AKAP9: variants seen among roughly 807,000 people sequenced by gnomAD.
The protein encoded by AKAP9 is A-kinase anchoring protein 9.
Under a neutral mutation model 488.5 loss-of-function variants are expected in AKAP9, and 311 were observed. The observed-to-expected ratio is 0.64, with a 90% CI of 0.58 to 0.70. The LOEUF (loss-of-function observed/expected upper bound fraction) is 0.70. Ranked by LOEUF, AKAP9 falls within the 30% of genes least tolerant of loss-of-function variation. The pLI is 0.00. For missense variants in AKAP9, 4,215 were observed against 4,374.5 expected (o/e 0.96, Z 1.03); for synonymous variants, 1,462 against 1,483.5 (o/e 0.99, Z 0.33).
Position 91,975,269 on chromosome 7 carries a change from C to T in AKAP9, c.306+1301C>T, listed in dbSNP as rs576475766. The stretch of plus-strand genomic sequence containing the variant: ...TCCTCCCGCTCTGGCTCCCAAAGTG[C>T]TTATGCCTGTAAAGTTTTATTTACA... On this transcript the variant is annotated intron_variant, in intron 2 of 49. Transcript: ENST00000356239. Among the ~76,000 whole-genome samples the T allele has an allele frequency of 3.9e-5, 6 of 152,270 alleles. No homozygotes were observed. The South Asian group carries it at 1.0e-3, about 26-fold the overall frequency.
At chr7:92,045,320 C>T in intron 21 of AKAP9, 107 bp downstream of exon 21, 2 of 1,072,238 alleles carry the variant, frequency 1.9e-6, no homozygotes, top group South Asian at 2.6e-5. Context: ...TATTTTCCAG[C>T]AAATGGACCT....
At chr7:92,039,982 T>C (rs780189823) in intron 17 of AKAP9, among the ~76,000 whole-genome samples, 1 of 151,962 alleles carries the variant, frequency 6.6e-6, no homozygotes, top group Non-Finnish European at 1.5e-5. Flanking sequence ...CAAAAATAAA[T>C]AAAATAAAAT....
rs1443301693 is a variant in AKAP9 at position 92,038,566 on chromosome 7, G to T, written c.4486G>T (p.Asp1496Tyr). Residue 1496 changes from aspartate to tyrosine, a missense_variant, in exon 17 of 50, where the codon GAT becomes TAT. Around this residue, in one of 5 missense-constraint regions of AKAP9, gnomAD observed 2,361 missense variants for 2,430.0 expected, o/e 0.97. Coordinates refer to ENST00000356239, the MANE Select transcript of AKAP9 (RefSeq NM_005751.5). ...TTTTAATGAAATGAAATTATCACAG[G>T]ATCAAATTGGTTTTCAGACTTTTGA... ...HYFNEMKLSQDQIGFQTFETV... is the reference protein window; with the variant it reads ...HYFNEMKLSQYQIGFQTFETV... The T allele has an allele frequency of 6.8e-6, 11 of 1,613,730 alleles. No individual in the cohort carries two copies. Among genetic ancestry groups the T allele is most frequent in the African/African-American group, 1.3e-5 (1 of 74,892 alleles).
At position 92,001,125 on chromosome 7, in the gene AKAP9, A is replaced by G; in HGVS notation, c.1208A>G (p.Glu403Gly). The G allele has an allele frequency of 6.2e-7, 1 of 1,614,060 alleles. No individual in the cohort carries two copies. Among genetic ancestry groups the G allele is most frequent in the Admixed American group, 1.7e-5 (1 of 59,996 alleles). Residue 403 changes from glutamate to glycine, a missense_variant, in exon 8 of 50, where the codon GAA becomes GGA. By Grantham distance (98) the Glu-to-Gly change is moderately conservative. Around this residue, in one of 5 missense-constraint regions of AKAP9, gnomAD observed 2,361 missense variants for 2,430.0 expected, o/e 0.97. Coordinates refer to ENST00000356239, the MANE Select transcript of AKAP9 (RefSeq NM_005751.5). Reference sequence around the variant, plus strand: ...AAACAGTTAATGGGGACAGTCGAAGAACTTCAGAAGAGAAATCATAAAGAC... The same window carrying G: ...AAACAGTTAATGGGGACAGTCGAAGGACTTCAGAAGAGAAATCATAAAGAC... ...EIKQLMGTVEELQKRNHKDSQ... is the reference protein window; with the variant it reads ...EIKQLMGTVEGLQKRNHKDSQ...
chr7:91,985,262 G>T (rs997880244), intron 3 of AKAP9, among the ~76,000 whole-genome samples: 1 of 152,142 alleles, frequency 6.6e-6, no homozygotes, highest in Non-Finnish European at 1.5e-5. Context: ...GTCATAAATA[G>T]CTCTTATTAT....
chr7:91,970,774 A>G (rs1450252809), intron 1 of AKAP9, among the ~76,000 whole-genome samples: 1 of 152,104 alleles, frequency 6.6e-6, no homozygotes, highest in East Asian at 1.9e-4. Flanking sequence ...CACTTTTAGG[A>G]TCCTCTCTTT....
At chr7:92,041,828 GCA>G in intron 18 of AKAP9, 1 of 434,038 alleles carries the variant, frequency 2.3e-6, no homozygotes, top group Non-Finnish European at 4.1e-6. Flanking sequence ...TAATTGAACT[GCA>G]CAAATTCCTG....
At chr7:91,977,350 A>T (rs1795830819) in intron 2 of AKAP9, among the ~76,000 whole-genome samples, 1 of 152,052 alleles carries the variant, frequency 6.6e-6, no homozygotes. Context: ...AGGTCAGGAG[A>T]TCGAGACCAT....
intron 26 of AKAP9, 39 bp from the exon 27 acceptor site, chr7:92,069,991 A>AT (rs765847391): frequency 4.4e-6 from 7 of 1,588,434 alleles, no homozygotes; most frequent in South Asian, 3.4e-5. Context: ...GCTTGCTGAA[A>AT]TTTTTTTTAA....
intron 1 of AKAP9, among the ~76,000 whole-genome samples, chr7:91,946,844 T>A (rs1377784509): frequency 2.0e-5 from 3 of 152,230 alleles, no homozygotes; most frequent in South Asian, 2.1e-4. Flanking sequence ...GGAACAAAAA[T>A]TTTTTCAAAC....
Position 91,995,720 on chromosome 7 carries a change from T to C in AKAP9, c.850T>C (p.Leu284=), listed in dbSNP as rs766812125. The C allele has an allele frequency of 1.2e-6, 2 of 1,613,812 alleles. No homozygotes were observed. Among genetic ancestry groups the C allele is most frequent in the Admixed American group, 3.3e-5 (2 of 60,004 alleles). The part of the protein sequence containing the change: ...QQQLEEQDHL[L]EDYQKKKEDF... ...GCAGCTTGAAGAACAAGACCACTTATTAGAAGATTATCAGAAAAAGAAAGA... is the reference window on the plus strand; with the variant it reads ...GCAGCTTGAAGAACAAGACCACTTACTAGAAGATTATCAGAAAAAGAAAGA... Residue 284 remains leucine (L), a synonymous_variant, in exon 7 of 50, where the codon TTA becomes CTA. Coordinates refer to ENST00000356239, the MANE Select transcript of AKAP9 (RefSeq NM_005751.5).
intron 15 of AKAP9, among the ~76,000 whole-genome samples, chr7:92,030,545 G>A (rs1236614351): frequency 2.0e-5 from 3 of 151,964 alleles, no homozygotes; most frequent in Non-Finnish European, 4.4e-5. Context: ...AGGAGGCTGA[G>A]GCAGGAGAGT....
chr7:92,084,884 G>A lies in AKAP9; in HGVS notation c.8776G>A (p.Glu2926Lys). The change falls in exon 35 of 50, where the codon GAA becomes AAA. Residue 2926 changes from glutamate to lysine, a missense_variant. This residue lies in a region of AKAP9 where 1,476 missense variants were observed against 1,477.4 expected (regional missense o/e 1.00). Transcript: ENST00000356239. Reference protein sequence around the residue: ...THSQGFDIASEGRGEESESAT... With the variant: ...THSQGFDIASKGRGEESESAT... The stretch of plus-strand genomic sequence containing the variant: ...CAGTCAGGGATTTGACATAGCATCA[G>A]AAGGCCGAGGAGAAGAAAGTGAAAG... 1 of 1,613,486 alleles carries A rather than the reference G, an allele frequency of 6.2e-7. No homozygotes were observed. Among genetic ancestry groups the A allele is most frequent in the Non-Finnish European group, 8.5e-7 (1 of 1,179,680 alleles).
At chr7:91,952,421 G>T (rs967353056) in intron 1 of AKAP9, among the ~76,000 whole-genome samples, 1 of 152,168 alleles carries the variant, frequency 6.6e-6, no homozygotes, top group African/African-American at 2.4e-5. Flanking sequence ...TACACAATGG[G>T]TAATATAATT....
chr7:92,098,639 C>T (rs1817046232), intron 43 of AKAP9, among the ~76,000 whole-genome samples: 1 of 152,168 alleles, frequency 6.6e-6, no homozygotes, highest in African/African-American at 2.4e-5. Context: ...TCTTTCCTTG[C>T]CTGTCATGTC....
In AKAP9 at chr7:92,020,893, CA is replaced by C. The variant is rs1390151564; in HGVS notation, c.3838-1342del. Among the ~76,000 whole-genome samples, 9 of 152,320 alleles carry C rather than the reference CA, an allele frequency of 5.9e-5. No individual in the cohort carries two copies. In the South Asian group the frequency reaches 1.7e-3, roughly 28 times the overall value. ...TGAACAGTTAAAACAGCCTTCTTAG[CA>C]AATAGCTGTTTTTTCTTTTGCTCAG... On this transcript the variant is annotated intron_variant, in intron 12 of 49. Transcript: ENST00000356239.
At chr7:91,953,310 A>AT (rs1792508921) in intron 1 of AKAP9, among the ~76,000 whole-genome samples, 1 of 152,184 alleles carries the variant, frequency 6.6e-6, no homozygotes, top group Admixed American at 6.5e-5. Context: ...AGTTTTGTAC[A>AT]TTTTTTAATT....
chr7:92,012,332 T>G, intron 8 of AKAP9, 97 bp from the exon 9 acceptor site: 2 of 1,120,536 alleles, frequency 1.8e-6, no homozygotes, highest in Non-Finnish European at 2.6e-6. Flanking sequence ...CTCATGAATT[T>G]TTAAACTCTT....
At chr7:92,066,622 C>T (rs1810812347) in intron 26 of AKAP9, 76 bp downstream of exon 26, 14 of 1,540,990 alleles carry the variant, frequency 9.1e-6, no homozygotes, top group Admixed American at 1.7e-5. Flanking sequence ...TCATTAAAAA[C>T]TTAAAAGTGG....
Sources: gnomAD v4.1 joint callset for allele counts (sites outside exome capture counted in the v4.1 genomes callset) on GRCh38, gnomAD v4.1.1 for gene constraint, gnomAD v4.1.1 regional missense constraint, MANE v1.5 for transcripts, NCBI Gene and HGNC (gene_info 2026-07-23, HGNC 2026-07-21) for gene names.